MGAT5: variants seen among roughly 807,000 people sequenced by gnomAD.
MGAT5 encodes alpha-1,6-mannosylglycoprotein 6-beta-N-acetylglucosaminyltransferase A.
In MGAT5, 30 loss-of-function variants were observed where a neutral mutation model predicts 94.3. That is an observed-to-expected ratio of 0.32 (90% CI 0.24 to 0.43). MGAT5 has a LOEUF of 0.43. Among genes scored for constraint, MGAT5 ranks in the 20% least tolerant of loss-of-function variants. The probability of loss-of-function intolerance (pLI) is 1.00; values close to 1 mark genes in which losing one functional copy is unlikely to be tolerated. For missense variants in MGAT5, 691 were observed against 905.5 expected, an observed-to-expected ratio of 0.76 and a Z score of 3.04; for synonymous variants, 310 against 322.9, an observed-to-expected ratio of 0.96 and a Z score of 0.43.
At chr2:134,169,618 G>A (rs1032464072) in intron 1 of MGAT5, among the ~76,000 whole-genome samples, 3 of 152,164 alleles carry the variant, frequency 2.0e-5, no homozygotes, top group African/African-American at 7.2e-5. Flanking sequence ...GTGGTATACA[G>A]CACCTGATGT....
chr2:134,402,435 TC>T (rs145513263), intron 10 of MGAT5, among the ~76,000 whole-genome samples: 1,733 of 152,324 alleles, frequency 0.011, 36 homozygotes, highest in African/African-American at 0.039. Flanking sequence ...ACTCTCATCT[TC>T]CCATGATCCC....
intron 2 of MGAT5, among the ~76,000 whole-genome samples, chr2:134,275,944 T>C (rs1244297577): frequency 6.6e-6 from 1 of 152,120 alleles, no homozygotes; most frequent in Non-Finnish European, 1.5e-5. Context: ...CTACAATATA[T>C]AAGACACTGC....
intron 10 of MGAT5, among the ~76,000 whole-genome samples, chr2:134,401,541 G>C (rs931042832): frequency 1.3e-5 from 2 of 152,210 alleles, no homozygotes; most frequent in African/African-American, 4.8e-5. Context: ...GGAGCTGTGG[G>C]TGGGGGCAGG....
chr2:134,342,257 A>G (rs904175220), intron 7 of MGAT5, among the ~76,000 whole-genome samples: 1 of 152,006 alleles, frequency 6.6e-6, no homozygotes, highest in African/African-American at 2.4e-5. Context: ...TGGGTTTTTC[A>G]TTTCACTGAA....
chr2:134,333,603 AAAG>A (rs1481416277), intron 4 of MGAT5, among the ~76,000 whole-genome samples: 1 of 152,062 alleles, frequency 6.6e-6, no homozygotes, highest in Non-Finnish European at 1.5e-5. Context: ...AAATAAAAAA[AAAG>A]AAGGTGGTGG....
At chr2:134,423,944 G>T (rs16830596) in intron 13 of MGAT5, among the ~76,000 whole-genome samples, 1 of 152,126 alleles carries the variant, frequency 6.6e-6, no homozygotes. Context: ...CGGTGCCCAC[G>T]TAGGGATTTA....
chr2:134,431,568 A>G (rs1314241748), intron 14 of MGAT5, among the ~76,000 whole-genome samples: 1 of 152,206 alleles, frequency 6.6e-6, no homozygotes, highest in Non-Finnish European at 1.5e-5. Flanking sequence ...TTCAAAGGGC[A>G]GCGAGGATGG....
chr2:134,263,915 TA>T lies in MGAT5; in HGVS notation c.242-6460del, dbSNP rs201242939. Among the ~76,000 whole-genome samples the T allele has an allele frequency of 8.3e-3, 1,212 of 146,372 alleles. 19 individuals carry two copies. Among genetic ancestry groups the T allele is most frequent in the African/African-American group, 0.025 (1,011 of 40,320 alleles). On this transcript the variant is annotated intron_variant, in intron 1 of 15. Transcript: ENST00000281923. The stretch of plus-strand genomic sequence containing the variant: ...TAAAATTGATTTCCCTTTAGTTCTT[TA>T]AAAAAAAAAAGTGATACGTACATGT...
chr2:134,169,366 C>G (rs1688091533), intron 1 of MGAT5, among the ~76,000 whole-genome samples: 1 of 150,374 alleles, frequency 6.7e-6, no homozygotes, highest in Non-Finnish European at 1.5e-5. Context: ...ATAGTGAAAC[C>G]TCATCTCCAT....
At chr2:134,369,727 TTGTGTGTGTGTGTG>T (rs10526028) in intron 10 of MGAT5, among the ~76,000 whole-genome samples, 2 of 142,196 alleles carry the variant, frequency 1.4e-5, no homozygotes, top group African/African-American at 2.6e-5. Flanking sequence ...GGTTTTTACA[TTGTGTGTGTGTGTG>T]TGTGTGTGTG....
At chr2:134,136,741 TGTG>T (rs1686429024) in intron 1 of MGAT5, among the ~76,000 whole-genome samples, 1 of 152,140 alleles carries the variant, frequency 6.6e-6, no homozygotes, top group African/African-American at 2.4e-5. Flanking sequence ...ACAGTAGAAT[TGTG>T]GTGTGTTCTA....
At chr2:134,317,055 A>T (rs1427032152) in intron 2 of MGAT5, among the ~76,000 whole-genome samples, 1 of 152,090 alleles carries the variant, frequency 6.6e-6, no homozygotes, top group Non-Finnish European at 1.5e-5. Flanking sequence ...CTCTCTGTGC[A>T]CCAGCTCTAT....
chr2:134,442,602 A>T (rs1685547378), intron 15 of MGAT5, among the ~76,000 whole-genome samples: 1 of 151,966 alleles, frequency 6.6e-6, no homozygotes, highest in South Asian at 2.1e-4. Flanking sequence ...GCCTTCCTTG[A>T]ATTTCTTACC....
At chr2:134,346,415 T>C (rs1211772030) in intron 8 of MGAT5, among the ~76,000 whole-genome samples, 1 of 152,188 alleles carries the variant, frequency 6.6e-6, no homozygotes, top group Admixed American at 6.5e-5. Context: ...AAATCATCTA[T>C]GTTAGTGATA....
At chr2:134,244,305 G>GTT (rs530595590) in intron 1 of MGAT5, among the ~76,000 whole-genome samples, 22 of 143,256 alleles carry the variant, frequency 1.5e-4, no homozygotes, top group Admixed American at 8.4e-4. Flanking sequence ...AGCGTTTTTT[G>GTT]TTTTTTTTTT....
At chr2:134,428,460 G>A in intron 14 of MGAT5, 21 bp downstream of exon 14, 1 of 1,607,454 alleles carries the variant, frequency 6.2e-7, no homozygotes, top group South Asian at 1.1e-5. Context: ...TCAGAAGTCA[G>A]TCTGTCTTTG....
chr2:134,242,357 T>G (rs1368174833), intron 1 of MGAT5, among the ~76,000 whole-genome samples: 1 of 152,246 alleles, frequency 6.6e-6, no homozygotes, highest in Non-Finnish European at 1.5e-5. Context: ...TAAGGACTCC[T>G]AGTTCACAGT....
chr2:134,142,257 C>T (rs1046590374), intron 1 of MGAT5, among the ~76,000 whole-genome samples: 2 of 152,130 alleles, frequency 1.3e-5, no homozygotes, highest in Non-Finnish European at 2.9e-5. Context: ...TGGTTAAAGT[C>T]AGGAGACCAG....
chr2:134,277,547 C>T (rs1684455617), intron 2 of MGAT5, among the ~76,000 whole-genome samples: 2 of 152,146 alleles, frequency 1.3e-5, no homozygotes, highest in African/African-American at 4.8e-5. Context: ...ATCCATTCAC[C>T]TCCCACCAGC....
Sources: gnomAD v4.1 joint callset for allele counts (sites outside exome capture counted in the v4.1 genomes callset) on GRCh38, gnomAD v4.1.1 for gene constraint, MANE v1.5 for transcripts, NCBI Gene and HGNC (gene_info 2026-07-23, HGNC 2026-07-21) for gene names.